Variants in NCKAP5 observed in about 807,000 individuals in gnomAD.
NCKAP5 encodes nck-associated protein 5.
NCKAP5 carries 92 observed loss-of-function variants against 167.0 expected under a neutral mutation model. The ratio of observed to expected loss-of-function variants is 0.55; its 90% CI spans 0.47 to 0.66. NCKAP5 has a LOEUF of 0.66. Ranked by LOEUF, NCKAP5 falls within the 30% of genes least tolerant of loss-of-function variation. The pLI is 0.00. For synonymous variants in NCKAP5, 891 were observed against 877.4 expected, an observed-to-expected ratio of 1.02 and a Z score of -0.27; for missense variants, 2,378 against 2,315.0, an observed-to-expected ratio of 1.03 and a Z score of -0.56.
At chr2:133,162,736 C>T (rs1213762049) in intron 5 of NCKAP5, among the ~76,000 whole-genome samples, 1 of 151,896 alleles carries the variant, frequency 6.6e-6, no homozygotes, top group African/African-American at 2.4e-5. Context: ...TACATCTCCA[C>T]AATACATAGT....
At chr2:133,360,320 C>G (rs1000999279) in intron 3 of NCKAP5, among the ~76,000 whole-genome samples, 8 of 152,172 alleles carry the variant, frequency 5.3e-5, no homozygotes, top group African/African-American at 1.7e-4. Context: ...CAAAGGCAGA[C>G]TAATTATAGA....
chr2:133,620,355 G>C, the NCKAP5 span, among the ~76,000 whole-genome samples: 4 of 151,946 alleles, frequency 2.6e-5, no homozygotes, highest in Admixed American at 2.6e-4. Flanking sequence ...CGTCAACCAA[G>C]TTTCTGCTGT....
At chr2:133,077,677 A>C (rs918712031) in intron 6 of NCKAP5, among the ~76,000 whole-genome samples, 1 of 152,194 alleles carries the variant, frequency 6.6e-6, no homozygotes, top group Non-Finnish European at 1.5e-5. Context: ...GCAAAACTGA[A>C]AGGAAGAAAG....
At chr2:133,585,229 G>A in the NCKAP5 span, among the ~76,000 whole-genome samples, 1 of 152,130 alleles carries the variant, frequency 6.6e-6, no homozygotes, top group Non-Finnish European at 1.5e-5. Context: ...TTTTAAAATG[G>A]GAAGAAATAA....
Position 132,673,097 on chromosome 2 carries a change from T to C in NCKAP5, c.*192A>G. On this transcript the variant is annotated 3_prime_UTR_variant, in exon 20 of 20. Transcript: ENST00000409261. ...TAAAGAATCACTCAAAGATTCCAAG[T>C]TGTCTACCCCAGGCCTATCTGAACT... 2 of 1,235,988 alleles carry C rather than the reference T, an allele frequency of 1.6e-6. No individual in the cohort carries two copies. Among genetic ancestry groups the C allele is most frequent in the Non-Finnish European group, 1.0e-6 (1 of 989,082 alleles). The allele number at this position is 1,235,988 out of a possible 1,614,324, so 76.6% of individuals were successfully genotyped here.
intron 3 of NCKAP5, among the ~76,000 whole-genome samples, chr2:133,400,809 A>T (rs563849673): frequency 6.6e-6 from 1 of 152,078 alleles, no homozygotes; most frequent in South Asian, 2.1e-4. Context: ...AAAAATGCTG[A>T]TTTTTTTTCT....
intron 16 of NCKAP5, among the ~76,000 whole-genome samples, chr2:132,761,640 G>A (rs1681018315): frequency 1.3e-5 from 2 of 152,204 alleles, no homozygotes; most frequent in Admixed American, 6.5e-5. Context: ...CCAGATAAAA[G>A]AAAGTCCCTG....
the NCKAP5 span, among the ~76,000 whole-genome samples, chr2:133,673,421 T>A: frequency 6.6e-6 from 1 of 152,304 alleles, no homozygotes; most frequent in African/African-American, 2.4e-5. Flanking sequence ...CACATGTCTC[T>A]GTTGCATGGC....
intron 6 of NCKAP5, among the ~76,000 whole-genome samples, chr2:133,015,052 A>G (rs1573745258): frequency 6.6e-6 from 1 of 152,242 alleles, no homozygotes; most frequent in Non-Finnish European, 1.5e-5. Flanking sequence ...CACAATGAAC[A>G]CATACACTTT....
chr2:133,275,960 C>T (rs891812144), intron 4 of NCKAP5, among the ~76,000 whole-genome samples: 3 of 151,776 alleles, frequency 2.0e-5, no homozygotes, highest in Non-Finnish European at 1.5e-5. Context: ...AAAAGTTATA[C>T]AGAGTATGCC....
At chr2:133,466,655 T>C (rs527884162) in intron 3 of NCKAP5, among the ~76,000 whole-genome samples, 1 of 152,372 alleles carries the variant, frequency 6.6e-6, no homozygotes, top group African/African-American at 2.4e-5. Context: ...TGGAATGTTC[T>C]TCCGTTTGTT....
chr2:133,404,612 T>C (rs975376618), intron 3 of NCKAP5, among the ~76,000 whole-genome samples: 5 of 152,240 alleles, frequency 3.3e-5, no homozygotes, highest in Non-Finnish European at 7.3e-5. Flanking sequence ...CATAGGTAAC[T>C]GAAACAGTGA....
At chr2:132,744,635 T>TTA (rs1194872358) in intron 16 of NCKAP5, among the ~76,000 whole-genome samples, 2 of 145,262 alleles carry the variant, frequency 1.4e-5, no homozygotes, top group African/African-American at 5.0e-5. Flanking sequence ...TTAAGAAAAT[T>TTA]AAAAAAAAAA....
intron 19 of NCKAP5, chr2:132,714,938 T>C (rs1047073299): frequency 1.5e-5 from 7 of 452,244 alleles, no homozygotes; most frequent in Non-Finnish European, 3.1e-5. Context: ...TTCTAGGTTC[T>C]TGGAGGTTCA....
At chr2:132,905,200 A>G (rs182362096) in intron 8 of NCKAP5, among the ~76,000 whole-genome samples, 37 of 152,306 alleles carry the variant, frequency 2.4e-4, no homozygotes, top group Admixed American at 1.3e-3. Flanking sequence ...TTATTGTCCC[A>G]GAACATTTCC....
intron 4 of NCKAP5, among the ~76,000 whole-genome samples, chr2:133,284,215 A>G (rs1348555908): frequency 6.6e-6 from 1 of 152,014 alleles, no homozygotes; most frequent in Non-Finnish European, 1.5e-5. Flanking sequence ...AGAATTAATT[A>G]CTAACCCCTA....
At chr2:133,498,184 T>C (rs1682110072) in intron 3 of NCKAP5, among the ~76,000 whole-genome samples, 1 of 152,190 alleles carries the variant, frequency 6.6e-6, no homozygotes, top group African/African-American at 2.4e-5. Context: ...CTTTGAGAGC[T>C]GTGGCTACTG....
intron 16 of NCKAP5, among the ~76,000 whole-genome samples, chr2:132,736,724 T>C (rs1411160601): frequency 6.6e-6 from 1 of 151,536 alleles, no homozygotes; most frequent in Non-Finnish European, 1.5e-5. Flanking sequence ...GAGGTGGAGG[T>C]GGCAGTGAGC....
chr2:133,189,012 G>T (rs2085082711), intron 5 of NCKAP5, among the ~76,000 whole-genome samples: 1 of 152,042 alleles, frequency 6.6e-6, no homozygotes, highest in Non-Finnish European at 1.5e-5. Context: ...TTTTCGAAAA[G>T]ATCAACAAAA....
Sources: gnomAD v4.1 joint callset for allele counts (sites outside exome capture counted in the v4.1 genomes callset) on GRCh38, gnomAD v4.1.1 for gene constraint, MANE v1.5 for transcripts, NCBI Gene and HGNC (gene_info 2026-07-23, HGNC 2026-07-21) for gene names.